The following ELP4 variants were observed in gnomAD, a reference collection of about 807,000 sequenced individuals.
ELP4 encodes elongator acetyltransferase complex subunit 4.
In ELP4, 51 loss-of-function variants were observed where a neutral mutation model predicts 48.9. The ratio of observed to expected loss-of-function variants is 1.04; its 90% confidence interval spans 0.83 to 1.32. The LOEUF is 1.32. Ranked by LOEUF, ELP4 falls within the 40% of genes most tolerant of loss-of-function variation. The pLI is 0.00. For missense variants in ELP4, 519 were observed against 514.6 expected (o/e 1.01, Z -0.08); for synonymous variants, 210 against 189.2 (o/e 1.11, Z -0.90).
intron 9 of ELP4, among the ~76,000 whole-genome samples, chr11:31,699,419 T>C (rs1010086155): frequency 2.6e-5 from 4 of 152,118 alleles, no homozygotes; most frequent in Non-Finnish European, 5.9e-5. Flanking sequence ...AAAATGGAAA[T>C]TCATGAGCCC....
intron 9 of ELP4, among the ~76,000 whole-genome samples, chr11:31,777,516 T>C (rs1327882037): frequency 2.6e-5 from 4 of 152,190 alleles, no homozygotes; most frequent in African/African-American, 9.7e-5. Flanking sequence ...CTTCTGGAAA[T>C]TGACATGCCA....
intron 4 of ELP4, among the ~76,000 whole-genome samples, chr11:31,603,509 T>C (rs984070446): frequency 3.3e-5 from 5 of 151,772 alleles, no homozygotes; most frequent in Admixed American, 6.6e-5. Context: ...CCAAAGAGGT[T>C]TGTAAATTCT....
intron 6 of ELP4, among the ~76,000 whole-genome samples, chr11:31,631,291 T>C (rs1440513624): frequency 6.6e-6 from 1 of 152,156 alleles, no homozygotes; most frequent in Non-Finnish European, 1.5e-5. Context: ...TAGGAATTTG[T>C]TTCATCAGAA....
chr11:31,599,299 C>G (rs1451524003), intron 4 of ELP4: 1 of 152,070 alleles, frequency 6.6e-6, no homozygotes, highest in Non-Finnish European at 1.5e-5. Context: ...TGAGTTGTAT[C>G]CAATTTAGAA....
chr11:31,665,764 C>G (rs527584582), intron 9 of ELP4, among the ~76,000 whole-genome samples: 3 of 148,900 alleles, frequency 2.0e-5, no homozygotes, highest in Admixed American at 1.3e-4. Context: ...AATTGATCCT[C>G]CCTCCTCAGC....
At chr11:31,747,519 A>G (rs1947623617) in intron 9 of ELP4, among the ~76,000 whole-genome samples, 1 of 152,228 alleles carries the variant, frequency 6.6e-6, no homozygotes, top group Non-Finnish European at 1.5e-5. Context: ...TAAAATGTGT[A>G]GAATACATTT....
chr11:31,639,540 G>A lies in ELP4; in HGVS notation c.927+7135G>A, dbSNP rs771498529. ...ACATCATAGCTTGTGTGCGTTATAC[G>A]TATATATTTAATTTACTTTTTTGGA... On this transcript the variant is annotated intron_variant, in intron 7 of 9. Transcript: ENST00000640961. Among the ~76,000 whole-genome samples, 7 of 151,872 alleles carry A rather than the reference G, an allele frequency of 4.6e-5. No individual in the cohort carries two copies. In the East Asian group the frequency reaches 9.7e-4, roughly 21 times the overall value.
At chr11:31,659,100 A>G (rs768547033) in intron 9 of ELP4, among the ~76,000 whole-genome samples, 6 of 152,108 alleles carry the variant, frequency 3.9e-5, no homozygotes, top group Admixed American at 1.3e-4. Flanking sequence ...TTAGTTTTTA[A>G]AAGGTAGAAT....
At chr11:31,652,047 C>G (rs1474361206) in intron 9 of ELP4, 2 of 151,682 alleles carry the variant, frequency 1.3e-5, no homozygotes, top group East Asian at 3.9e-4. Flanking sequence ...GATTTCTGTT[C>G]CATTTTCTCT....
chr11:31,577,424 A>G (rs1459007935), intron 3 of ELP4, among the ~76,000 whole-genome samples: 1 of 152,116 alleles, frequency 6.6e-6, no homozygotes, highest in Non-Finnish European at 1.5e-5. Context: ...AATTCTCCCT[A>G]ACTCATTTTA....
intron 9 of ELP4, among the ~76,000 whole-genome samples, chr11:31,753,686 TG>T (rs1181735674): frequency 6.6e-6 from 1 of 152,174 alleles, no homozygotes; most frequent in Non-Finnish European, 1.5e-5. Context: ...AGTAAAAGAA[TG>T]TTGAATATAG....
At chr11:31,639,136 TCA>T (rs1303160597) in intron 7 of ELP4, among the ~76,000 whole-genome samples, 1 of 151,804 alleles carries the variant, frequency 6.6e-6, no homozygotes, top group Admixed American at 6.6e-5. Context: ...AGCCAGATAT[TCA>T]GAGTGTCATT....
At chr11:31,590,153 A>C (rs550767582) in intron 3 of ELP4, among the ~76,000 whole-genome samples, 47 of 152,312 alleles carry the variant, frequency 3.1e-4, no homozygotes, top group African/African-American at 1.0e-3. Context: ...CTAAAAGGCA[A>C]TAATAATAGT....
intron 3 of ELP4, among the ~76,000 whole-genome samples, chr11:31,562,746 T>G (rs1259184749): frequency 6.6e-6 from 1 of 152,150 alleles, no homozygotes; most frequent in Admixed American, 6.5e-5. Context: ...GGAAATAAGT[T>G]AATTCACTAA....
intron 9 of ELP4, among the ~76,000 whole-genome samples, chr11:31,700,463 T>G (rs767120776): frequency 2.0e-5 from 3 of 152,094 alleles, no homozygotes; most frequent in Non-Finnish European, 4.4e-5. Context: ...ATAAATAGCT[T>G]TATGTCCATG....
At chr11:31,569,502 G>A (rs1697951970) in intron 3 of ELP4, among the ~76,000 whole-genome samples, 1 of 152,176 alleles carries the variant, frequency 6.6e-6, no homozygotes, top group Non-Finnish European at 1.5e-5. Context: ...TGTAAACCCA[G>A]CACTTTGGGA....
chr11:31,711,368 A>G (rs1946740150), intron 9 of ELP4, among the ~76,000 whole-genome samples: 1 of 152,174 alleles, frequency 6.6e-6, no homozygotes, highest in Admixed American at 6.5e-5. Flanking sequence ...TGACAGCAGT[A>G]TAAAGCCATC....
chr11:31,752,582 C>A (rs1445009319), intron 9 of ELP4, among the ~76,000 whole-genome samples: 1 of 152,054 alleles, frequency 6.6e-6, no homozygotes, highest in Non-Finnish European at 1.5e-5. Context: ...CGTCTGTAAT[C>A]CCAGCACTTT....
At chr11:31,586,152 T>C (rs1456505392) in intron 3 of ELP4, among the ~76,000 whole-genome samples, 1 of 152,222 alleles carries the variant, frequency 6.6e-6, no homozygotes, top group African/African-American at 2.4e-5. Flanking sequence ...GAATGTTCTG[T>C]TGGTCAATGA....
Sources: gnomAD v4.1 joint callset for allele counts (sites outside exome capture counted in the v4.1 genomes callset) on GRCh38, gnomAD v4.1.1 for gene constraint, MANE v1.5 for transcripts, NCBI Gene and HGNC (gene_info 2026-07-23, HGNC 2026-07-21) for gene names.